The following RORA variants were observed in gnomAD, a reference collection of about 807,000 sequenced individuals.
RORA encodes RAR related orphan receptor A.
A neutral mutation model predicts 69.5 loss-of-function variants in RORA; 7 were observed. The ratio of observed to expected loss-of-function variants is 0.10; its 90% CI spans 0.06 to 0.19. The LOEUF (loss-of-function observed/expected upper bound fraction) is 0.19, where lower values mean the gene tolerates loss of function less well. Among genes scored for constraint, RORA ranks in the 10% least tolerant of loss-of-function variants. The probability of loss-of-function intolerance (pLI) is 1.00; values close to 1 mark genes in which losing one functional copy is unlikely to be tolerated. For missense variants in RORA, 457 were observed against 663.0 expected (o/e 0.69, Z 3.41); for synonymous variants, 261 against 240.8 (o/e 1.08, Z -0.78).
chr15:61,112,838 G>A (rs144280937), intron 1 of RORA, among the ~76,000 whole-genome samples: 3 of 152,210 alleles, frequency 2.0e-5, no homozygotes, highest in South Asian at 2.1e-4. Context: ...GTCAGATGCC[G>A]TTCAGGGACA....
At chr15:61,097,677 T>G (rs573934662) in intron 1 of RORA, among the ~76,000 whole-genome samples, 44 of 152,314 alleles carry the variant, frequency 2.9e-4, no homozygotes, top group African/African-American at 9.9e-4. Flanking sequence ...AATTTCTTCT[T>G]GGATAATTTC....
intron 1 of RORA, among the ~76,000 whole-genome samples, chr15:60,693,808 GGA>G (rs2070864063): frequency 6.6e-6 from 1 of 152,034 alleles, no homozygotes; most frequent in African/African-American, 2.4e-5. Context: ...ACAAACAAAT[GGA>G]GAAACATTCC....
chr15:60,929,746 C>T (rs1892321473), intron 1 of RORA, among the ~76,000 whole-genome samples: 2 of 152,154 alleles, frequency 1.3e-5, no homozygotes, highest in Admixed American at 1.3e-4. Flanking sequence ...CCTTGGAGTG[C>T]TCATCCTGAA....
In RORA at chr15:60,745,193, G is replaced by C. The variant is rs142731130; in HGVS notation, c.167-66507C>G. ...TGAGACAGCAGGGAGTGAAGACCTC[G>C]CACACTCTAAATTTGCTTCCAGGGG... On this transcript the variant is annotated intron_variant, in intron 1 of 10. Transcript: ENST00000335670. 3.2e-4 allele frequency among the ~76,000 whole-genome samples: 48 copies of C among 152,230 alleles called. No homozygotes were observed. In the East Asian group the frequency reaches 7.2e-3, roughly 23 times the overall value.
chr15:60,597,512 TACACACACAC>T (rs56774445), intron 2 of RORA, among the ~76,000 whole-genome samples: 3,997 of 42,706 alleles, frequency 0.094, 444 homozygotes, highest in East Asian at 0.36. Flanking sequence ...GTACAGGAGA[TACACACACAC>T]ACACACACAC....
At chr15:60,808,701 A>G (rs1197995373) in intron 1 of RORA, among the ~76,000 whole-genome samples, 3 of 149,206 alleles carry the variant, frequency 2.0e-5, no homozygotes, top group Non-Finnish European at 4.4e-5. Flanking sequence ...TGTTATATAT[A>G]TGTTTATAAT....
chr15:61,146,609 T>G (rs1196943361), intron 1 of RORA, among the ~76,000 whole-genome samples: 1 of 152,216 alleles, frequency 6.6e-6, no homozygotes. Flanking sequence ...CTCTGCTTCC[T>G]TATTTAATAA....
At chr15:61,090,578 C>T (rs949500842) in intron 1 of RORA, among the ~76,000 whole-genome samples, 3 of 152,140 alleles carry the variant, frequency 2.0e-5, no homozygotes, top group African/African-American at 4.8e-5. Flanking sequence ...GAAAGCTATA[C>T]AATAAAGTCA....
At chr15:61,119,090 G>C (rs913128967) in intron 1 of RORA, among the ~76,000 whole-genome samples, 1 of 149,050 alleles carries the variant, frequency 6.7e-6, no homozygotes, top group South Asian at 2.2e-4. Context: ...AAGGGGGGGG[G>C]GGGCGCCATG....
At chr15:61,054,385 C>T (rs956816426) in intron 1 of RORA, among the ~76,000 whole-genome samples, 1 of 151,946 alleles carries the variant, frequency 6.6e-6, no homozygotes, top group African/African-American at 2.4e-5. Flanking sequence ...CAGCTATACT[C>T]TTCTTCTTAA....
At chr15:60,577,537 G>A (rs1225584705) in intron 2 of RORA, among the ~76,000 whole-genome samples, 2 of 151,732 alleles carry the variant, frequency 1.3e-5, no homozygotes, top group Non-Finnish European at 2.9e-5. Context: ...TCAGCTACTC[G>A]GGAGGCTGAG....
intron 1 of RORA, among the ~76,000 whole-genome samples, chr15:61,168,205 C>G (rs912603884): frequency 2.0e-5 from 3 of 148,592 alleles, no homozygotes; most frequent in Admixed American, 6.6e-5. Flanking sequence ...TATACACGCG[C>G]GTGCGTGCGT....
At position 60,815,949 on chromosome 15, in the gene RORA, T is replaced by C. The variant is rs201166655; in HGVS notation, c.167-137263A>G. ...ATATATACTATAAATAGTGTATATA[T>C]ACTATAAATAGTATATGTATTTATT... On this transcript the variant is annotated intron_variant, in intron 1 of 10. Transcript: ENST00000335670. Among the ~76,000 whole-genome samples the C allele has an allele frequency of 8.5e-3, 1,108 of 129,980 alleles. 9 individuals are homozygous for C. The highest frequency in any genetic ancestry group is 0.017 in the Admixed American group (195 of 11,772). 85.3% of individuals were successfully genotyped at this position (129,980 alleles called of 152,430 possible). A position where few individuals can be genotyped will look rare whatever the true frequency, so the allele number is the denominator to read the frequency against.
intron 1 of RORA, among the ~76,000 whole-genome samples, chr15:60,903,769 C>T (rs569140245): frequency 1.1e-4 from 16 of 152,220 alleles, no homozygotes; most frequent in Middle Eastern, 3.4e-3. Flanking sequence ...TATGCAAAAT[C>T]GGAGGTCGGT....
intron 1 of RORA, among the ~76,000 whole-genome samples, chr15:60,709,431 G>T (rs1038703862): frequency 2.6e-5 from 4 of 152,134 alleles, no homozygotes; most frequent in African/African-American, 9.7e-5. Flanking sequence ...AAAGCCCATT[G>T]TTTTCCTTTA....
At chr15:60,719,796 A>T (rs778903638) in intron 1 of RORA, among the ~76,000 whole-genome samples, 1 of 152,040 alleles carries the variant, frequency 6.6e-6, no homozygotes, top group Non-Finnish European at 1.5e-5. Flanking sequence ...CACCTTGCAG[A>T]CTCCTACTTC....
At chr15:61,130,131 G>C (rs1413504123) in intron 1 of RORA, among the ~76,000 whole-genome samples, 6 of 152,208 alleles carry the variant, frequency 3.9e-5, no homozygotes, top group African/African-American at 1.4e-4. Context: ...TGGGTCATGA[G>C]TGCCTAATGA....
intron 1 of RORA, among the ~76,000 whole-genome samples, chr15:60,781,884 G>C (rs2072265098): frequency 6.6e-6 from 1 of 152,246 alleles, no homozygotes; most frequent in Non-Finnish European, 1.5e-5. Context: ...GAGCCCAGCA[G>C]CGTGAACTGG....
At chr15:61,132,912 G>A (rs982845130) in intron 1 of RORA, among the ~76,000 whole-genome samples, 3 of 152,076 alleles carry the variant, frequency 2.0e-5, no homozygotes, top group South Asian at 4.1e-4. Flanking sequence ...GAATAAATCC[G>A]GCTATATATC....
Sources: gnomAD v4.1 joint callset for allele counts (sites outside exome capture counted in the v4.1 genomes callset) on GRCh38, gnomAD v4.1.1 for gene constraint, MANE v1.5 for transcripts, NCBI Gene and HGNC (gene_info 2026-07-23, HGNC 2026-07-21) for gene names.